The following KIAA0753 variants were observed in gnomAD, a reference collection of about 807,000 sequenced individuals.
KIAA0753 encodes protein moonraker.
KIAA0753 carries 114 observed loss-of-function variants against 116.9 expected under a neutral mutation model. That is an observed-to-expected ratio of 0.98 (90% CI 0.84 to 1.14). The LOEUF (loss-of-function observed/expected upper bound fraction) is 1.14. Among genes scored for constraint, KIAA0753 ranks in the 50% most tolerant of loss-of-function variants. The pLI, the probability that KIAA0753 is intolerant of heterozygous loss-of-function variation, is 0.00. For synonymous variants in KIAA0753, 405 were observed against 413.1 expected (o/e 0.98, Z 0.24); for missense variants, 1,156 against 1,172.4 (o/e 0.99, Z 0.20).
At chr17:6,583,277 C>T (rs912220223) in intron 18 of KIAA0753, among the ~76,000 whole-genome samples, 1 of 152,164 alleles carries the variant, frequency 6.6e-6, no homozygotes, top group African/African-American at 2.4e-5. Context: ...TTTCTTCCTC[C>T]AGCCGATTTT....
At chr17:6,598,341 C>T (rs1165613678) in intron 14 of KIAA0753, among the ~76,000 whole-genome samples, 2 of 152,200 alleles carry the variant, frequency 1.3e-5, no homozygotes, top group Admixed American at 1.3e-4. Context: ...CCTCACCTCA[C>T]ATCAGATTAT....
chr17:6,631,705 T>C (rs950369447), intron 2 of KIAA0753, among the ~76,000 whole-genome samples: 2 of 152,194 alleles, frequency 1.3e-5, no homozygotes, highest in African/African-American at 2.4e-5. Context: ...TATACATCTA[T>C]TTCCTAGTTC....
At chr17:6,603,835 G>T (rs1330637280) in intron 12 of KIAA0753, among the ~76,000 whole-genome samples, 1 of 152,196 alleles carries the variant, frequency 6.6e-6, no homozygotes, top group Non-Finnish European at 1.5e-5. Flanking sequence ...GGAAAACTTA[G>T]AAAATAATTG....
At chr17:6,618,375 C>T (rs1417068825) in intron 7 of KIAA0753, among the ~76,000 whole-genome samples, 1 of 152,230 alleles carries the variant, frequency 6.6e-6, no homozygotes, top group Non-Finnish European at 1.5e-5. Context: ...AGGAGGGGGT[C>T]AAGGGAACCC....
At chr17:6,607,972 T>C (rs757650577) in intron 10 of KIAA0753, among the ~76,000 whole-genome samples, 2 of 152,232 alleles carry the variant, frequency 1.3e-5, no homozygotes, top group African/African-American at 2.4e-5. Context: ...CCGTGTTCTA[T>C]CTTAAATTAT....
intron 3 of KIAA0753, among the ~76,000 whole-genome samples, chr17:6,625,232 T>C (rs1838081635): frequency 6.6e-6 from 1 of 152,272 alleles, no homozygotes; most frequent in African/African-American, 2.4e-5. Flanking sequence ...CCTGTTTTTA[T>C]GTTTAGCAAG....
At chr17:6,590,974 G>A (rs961524325) in intron 16 of KIAA0753, among the ~76,000 whole-genome samples, 2 of 138,488 alleles carry the variant, frequency 1.4e-5, no homozygotes, top group Non-Finnish European at 3.1e-5. Flanking sequence ...CTTTAAATGC[G>A]AAGAAGAAGA....
intron 14 of KIAA0753, among the ~76,000 whole-genome samples, chr17:6,597,297 A>C (rs1023584321): frequency 6.6e-6 from 1 of 152,234 alleles, no homozygotes; most frequent in African/African-American, 2.4e-5. Flanking sequence ...TTTCATCAAA[A>C]GTTAAAGAAA....
At chr17:6,617,665 T>G (rs191274074) in intron 7 of KIAA0753, among the ~76,000 whole-genome samples, 1 of 152,324 alleles carries the variant, frequency 6.6e-6, no homozygotes, top group East Asian at 1.9e-4. Flanking sequence ...GGAGGACTCC[T>G]GGATGGGAGC....
intron 10 of KIAA0753, among the ~76,000 whole-genome samples, 178 bp downstream of exon 10, chr17:6,608,170 T>C (rs1313024636): frequency 1.3e-5 from 2 of 152,226 alleles, no homozygotes; most frequent in East Asian, 1.9e-4. Flanking sequence ...CTATAAGCTA[T>C]ATAGTTTGAC....
intron 12 of KIAA0753, 79 bp downstream of exon 12, chr17:6,606,793 TC>T: frequency 9.6e-7 from 1 of 1,046,850 alleles, no homozygotes; most frequent in Admixed American, 1.7e-5. Flanking sequence ...GCCTTAACAG[TC>T]CAGGTTGGTT....
intron 16 of KIAA0753, among the ~76,000 whole-genome samples, chr17:6,593,997 T>C (rs1311572092): frequency 3.9e-5 from 6 of 152,162 alleles, no homozygotes; most frequent in Admixed American, 1.3e-4. Context: ...ATGTAGGAAA[T>C]AGGAGCAAGG....
intron 18 of KIAA0753, among the ~76,000 whole-genome samples, chr17:6,587,830 C>A (rs1968693107): frequency 6.6e-6 from 1 of 152,182 alleles, no homozygotes; most frequent in Non-Finnish European, 1.5e-5. Flanking sequence ...TAAATAAATA[C>A]ATAAATCTAC....
chr17:6,640,091 G>C (rs1972566620), intron 1 of KIAA0753: 1 of 152,676 alleles, frequency 6.5e-6, no homozygotes, highest in Non-Finnish European at 1.5e-5. Context: ...GGCCGCTGAC[G>C]GCCCTGTGGC....
intron 18 of KIAA0753, among the ~76,000 whole-genome samples, chr17:6,587,628 C>T (rs12942363): frequency 0.12 from 18,552 of 152,268 alleles, 1,766 homozygotes; most frequent in East Asian, 0.36. Context: ...TTCTTCTCTT[C>T]TCCCAGATAA....
At chr17:6,605,770 C>T (rs901363953) in intron 12 of KIAA0753, among the ~76,000 whole-genome samples, 2 of 151,970 alleles carry the variant, frequency 1.3e-5, no homozygotes, top group African/African-American at 2.4e-5. Flanking sequence ...GCAGTGGCAA[C>T]GGTCGATTCC....
chr17:6,616,623 G>A (rs1445026876), intron 7 of KIAA0753, among the ~76,000 whole-genome samples: 1 of 152,134 alleles, frequency 6.6e-6, no homozygotes, highest in Non-Finnish European at 1.5e-5. Context: ...TCAGGAGTTC[G>A]AGACCCGACC....
At chr17:6,610,624 G>A (rs375110290) in intron 8 of KIAA0753, among the ~76,000 whole-genome samples, 14 of 148,076 alleles carry the variant, frequency 9.5e-5, no homozygotes, top group African/African-American at 3.0e-4. Context: ...GGGCTCAAGC[G>A]ATTCTCCTGC....
intron 12 of KIAA0753, among the ~76,000 whole-genome samples, chr17:6,601,832 T>C (rs1338405050): frequency 6.6e-6 from 1 of 152,182 alleles, no homozygotes; most frequent in African/African-American, 2.4e-5. Context: ...TTTAACACTT[T>C]TAGTCATCAA....
Sources: allele counts gnomAD v4.1 joint callset (sites outside exome capture counted in the v4.1 genomes callset), GRCh38; gene constraint gnomAD v4.1.1; transcripts MANE v1.5; gene names NCBI Gene and HGNC (gene_info 2026-07-23, HGNC 2026-07-21).